The following DNAH7 variants were observed in gnomAD, a reference collection of about 807,000 sequenced individuals.
DNAH7 encodes axonemal beta dynein heavy chain 7.
Under a neutral mutation model 444.6 loss-of-function variants are expected in DNAH7, and 397 were observed. That is an observed-to-expected ratio of 0.89 (90% confidence interval 0.82 to 0.97). The LOEUF is 0.97. Ranked by LOEUF, DNAH7 falls within the 50% of genes least tolerant of loss-of-function variation. DNAH7 has a pLI of 0.00. For missense variants in DNAH7, 4,902 were observed against 4,800.8 expected (o/e 1.02, Z -0.62); for synonymous variants, 1,636 against 1,624.4 (o/e 1.01, Z -0.17).
intron 1 of DNAH7, among the ~76,000 whole-genome samples, chr2:196,062,751 C>T (rs1229566115): frequency 6.6e-6 from 1 of 152,194 alleles, no homozygotes; most frequent in African/African-American, 2.4e-5. Flanking sequence ...CCTCCTTCTT[C>T]CTTGAATTAG....
chr2:195,977,670 C>A lies in DNAH7; in HGVS notation c.1834-5204G>T, dbSNP rs537941633. On this transcript the variant is annotated intron_variant, in intron 15 of 64. Transcript: ENST00000312428. ...GTTTTAGAACACCAAGCAGATTTAACCCAACAAAGACTACCTCAACATATT... is the reference window on the plus strand; with the variant it reads ...GTTTTAGAACACCAAGCAGATTTAAACCAACAAAGACTACCTCAACATATT... Among the ~76,000 whole-genome samples the A allele has an allele frequency of 3.3e-5, 5 of 152,146 alleles. No homozygotes were observed. In the East Asian group the frequency reaches 9.7e-4, roughly 29 times the overall value.
At chr2:195,942,821 C>A (rs1689549128) in intron 19 of DNAH7, among the ~76,000 whole-genome samples, 1 of 152,030 alleles carries the variant, frequency 6.6e-6, no homozygotes, top group Admixed American at 6.6e-5. Context: ...AATCATATCC[C>A]TGGAGTGGAC....
chr2:195,766,743 T>C (rs1203784306), intron 61 of DNAH7, among the ~76,000 whole-genome samples: 1 of 152,192 alleles, frequency 6.6e-6, no homozygotes, highest in African/African-American at 2.4e-5. Context: ...ATACCCCATT[T>C]ACCCTGATGT....
Position 195,906,894 on chromosome 2 carries a change from A to C in DNAH7, c.4207+13T>G, listed in dbSNP as rs1472664122. The C allele has an allele frequency of 1.2e-5, 19 of 1,611,788 alleles. No individual in the cohort carries two copies. The highest frequency in any genetic ancestry group is 1.5e-5 in the Non-Finnish European group (18 of 1,178,666). On this transcript the variant is annotated intron_variant, in intron 26 of 64. Transcript: ENST00000312428. ...TTATTTTCACATAATGCAAAGACAAACTAGTCCATTACCTCTTTGGATAGT... is the reference window on the plus strand; with the variant it reads ...TTATTTTCACATAATGCAAAGACAACCTAGTCCATTACCTCTTTGGATAGT...
chr2:195,796,940 G>A (rs16840019), intron 55 of DNAH7, among the ~76,000 whole-genome samples: 2 of 152,134 alleles, frequency 1.3e-5, no homozygotes, highest in African/African-American at 4.8e-5. Flanking sequence ...ATTCACGTAG[G>A]AAATAGTCAT....
intron 10 of DNAH7, among the ~76,000 whole-genome samples, chr2:196,008,748 T>A (rs1267209227): frequency 1.3e-5 from 2 of 152,100 alleles, no homozygotes; most frequent in East Asian, 3.9e-4. Context: ...AAAAAAATAT[T>A]AGCATAGTTA....
chr2:195,950,235 T>C, intron 19 of DNAH7, among the ~76,000 whole-genome samples: 1 of 149,982 alleles, frequency 6.7e-6, no homozygotes, highest in South Asian at 2.1e-4. Context: ...TCTCTGGTCC[T>C]GGGCTTTTTT....
chr2:195,888,403 G>A lies in DNAH7; in HGVS notation c.5261C>T (p.Pro1754Leu), dbSNP rs751216282. The change falls in exon 33 of 65, where the codon CCT becomes CTT. Residue 1754 changes from proline to leucine, a missense_variant. Transcript: ENST00000312428. ...VSRCGMIYME[P>L]HMLGWRPLML... ...CAGTGGTCTCCAGCCTAACATGTGAGGCTCCATGTAAATCATGCCACATCT... is the reference window on the plus strand; with the variant it reads ...CAGTGGTCTCCAGCCTAACATGTGAAGCTCCATGTAAATCATGCCACATCT... 6.3e-7 allele frequency: 1 copy of A among 1,598,166 alleles called. No individual in the cohort carries two copies. Among genetic ancestry groups the A allele is most frequent in the South Asian group, 1.1e-5 (1 of 87,292 alleles).
rs200526430 is a variant in DNAH7 at position 195,768,192 on chromosome 2, TTA to T, written c.11433+3466_11433+3467del. On this transcript the variant is annotated intron_variant, in intron 61 of 64. Transcript: ENST00000312428. ...TTTATATCTTTAATATATATATCTTTTATATATATATTATAAATATATATCTT... is the reference window on the plus strand; with the variant it reads ...TTTATATCTTTAATATATATATCTTTTATATATATTATAAATATATATCTT... Among the ~76,000 whole-genome samples the T allele has an allele frequency of 5.6e-3, 830 of 147,690 alleles. 4 individuals are homozygous for T. Among genetic ancestry groups the T allele is most frequent in the Non-Finnish European group, 7.5e-3 (500 of 67,004 alleles).
intron 58 of DNAH7, among the ~76,000 whole-genome samples, chr2:195,780,294 A>C (rs2105959785): frequency 6.6e-6 from 1 of 152,188 alleles, no homozygotes; most frequent in African/African-American, 2.4e-5. Flanking sequence ...ACTCTGATCT[A>C]TGTTTTTCTA....
At chr2:195,794,908 C>T (rs545968930) in intron 56 of DNAH7, among the ~76,000 whole-genome samples, 4 of 152,328 alleles carry the variant, frequency 2.6e-5, no homozygotes, top group South Asian at 2.1e-4. Flanking sequence ...AGATTAAAGA[C>T]TAATCCATTT....
chr2:195,956,674 A>T (rs1460677098), intron 19 of DNAH7, among the ~76,000 whole-genome samples: 2 of 152,096 alleles, frequency 1.3e-5, no homozygotes, highest in East Asian at 3.9e-4. Flanking sequence ...AGTCTTCTGA[A>T]TTGAACAAAA....
At chr2:195,795,539 G>A (rs1286060490) in intron 56 of DNAH7, among the ~76,000 whole-genome samples, 1 of 152,218 alleles carries the variant, frequency 6.6e-6, no homozygotes, top group Non-Finnish European at 1.5e-5. Context: ...ACCAATAAAA[G>A]TGAAAGAAGT....
rs1337621516 is a variant in DNAH7, at chr2:195,872,259, C to T, written c.6624G>A (p.Trp2208Ter). ...TETTEVIKRL[W>*]VHEVLRVYYD... is the part of the protein sequence containing the mutation. ...TAACAGGAAAATTTACCTCATGAACCCAAAGACGTTTAATCACTTCTGTGG... is the reference window on the plus strand; with the variant it reads ...TAACAGGAAAATTTACCTCATGAACTCAAAGACGTTTAATCACTTCTGTGG... Residue 2208 changes from tryptophan (W) to a stop codon, truncating the protein, a stop_gained, in exon 40 of 65, where the codon TGG (tryptophan) becomes TGA (stop). Transcript: ENST00000312428. LOFTEE classifies it high-confidence loss of function. The T allele has an allele frequency of 1.9e-6, 3 of 1,611,468 alleles. No individual in the cohort carries two copies. The highest frequency in any genetic ancestry group is 2.5e-6 in the Non-Finnish European group (3 of 1,178,610).
At chr2:196,060,809 C>A (rs1028260977) in intron 1 of DNAH7, among the ~76,000 whole-genome samples, 4 of 152,180 alleles carry the variant, frequency 2.6e-5, no homozygotes, top group African/African-American at 9.7e-5. Context: ...TTTACTCAAT[C>A]TTTTAACAGT....
chr2:195,776,039 C>A, intron 59 of DNAH7, 56 bp from the exon 60 acceptor site: 1 of 1,593,838 alleles, frequency 6.3e-7, no homozygotes, highest in Non-Finnish European at 8.5e-7. Flanking sequence ...CTTTCTAGAA[C>A]TTTTCACAGA....
rs1030184705 is a variant in DNAH7, at chr2:195,962,200, A to G, written c.2206-1255T>C. 4.6e-5 allele frequency among the ~76,000 whole-genome samples: 7 copies of G among 152,340 alleles called. No individual in the cohort carries two copies. The South Asian group carries it at 1.2e-3, about 27-fold the overall frequency. ...TTCAGTGGCCTCAGTTTTTAAAAAA[A>G]TATTTGTGGGTACACAGAAGTAGGT... On this transcript the variant is annotated intron_variant, in intron 17 of 64. Transcript: ENST00000312428.
chr2:195,910,272 G>A (rs977112269), intron 24 of DNAH7, 77 bp from the exon 25 acceptor site: 1 of 1,255,598 alleles, frequency 8.0e-7, no homozygotes, highest in Non-Finnish European at 1.1e-6. Context: ...AGAGAAAAAG[G>A]TTAAATTGAG....
intron 49 of DNAH7, among the ~76,000 whole-genome samples, chr2:195,823,827 A>G (rs187478849): frequency 1.3e-5 from 2 of 152,322 alleles, no homozygotes; most frequent in East Asian, 3.9e-4. Flanking sequence ...GTATTCTAAA[A>G]GAAGTGATTG....
Sources: allele counts gnomAD v4.1 joint callset (sites outside exome capture counted in the v4.1 genomes callset), GRCh38; gene constraint gnomAD v4.1.1; transcripts MANE v1.5; gene names NCBI Gene and HGNC (gene_info 2026-07-23, HGNC 2026-07-21).